OCIAD1: variants seen among roughly 807,000 people sequenced by gnomAD.
OCIAD1 encodes the protein OCIA domain containing 1, also known as OCIA domain-containing protein 1.
A neutral mutation model predicts 38.9 loss-of-function variants in OCIAD1; 29 were observed. The ratio of observed to expected loss-of-function variants is 0.74; its 90% CI spans 0.55 to 1.02. The LOEUF (loss-of-function observed/expected upper bound fraction) is 1.02, where lower values mean the gene tolerates loss of function less well. Among genes scored for constraint, OCIAD1 ranks in the 50% least tolerant of loss-of-function variants. OCIAD1 has a pLI of 0.00. For synonymous variants in OCIAD1, 110 were observed against 92.0 expected, an observed-to-expected ratio of 1.20 and a Z score of -1.12; for missense variants, 288 against 289.6, an observed-to-expected ratio of 0.99 and a Z score of 0.04.
chr4:48,844,769 C>T (rs1232478037), intron 4 of OCIAD1, among the ~76,000 whole-genome samples: 2 of 151,926 alleles, frequency 1.3e-5, no homozygotes, highest in Admixed American at 1.3e-4. Context: ...TACCAAAATC[C>T]ACAAAAGCTT....
intron 1 of OCIAD1, among the ~76,000 whole-genome samples, chr4:48,806,236 C>T (rs1233029723): frequency 1.3e-5 from 2 of 152,180 alleles, no homozygotes; most frequent in Non-Finnish European, 2.9e-5. Flanking sequence ...CCCTGTGCTC[C>T]AGCCTGGGTG....
At chr4:48,831,510 A>C (rs1579045327) in intron 1 of OCIAD1, 1 of 1,290,500 alleles carries the variant, frequency 7.7e-7, no homozygotes, top group Non-Finnish European at 1.0e-6. Context: ...GGAGACGGAC[A>C]CTGGGTGGAG....
At chr4:48,812,717 G>A (rs1043449139) in intron 1 of OCIAD1, among the ~76,000 whole-genome samples, 10 of 152,178 alleles carry the variant, frequency 6.6e-5, no homozygotes, top group Non-Finnish European at 1.5e-4. Flanking sequence ...TGGGAAGAGA[G>A]GAATTGGACA....
chr4:48,819,934 T>C (rs2109494071), intron 1 of OCIAD1, among the ~76,000 whole-genome samples: 1 of 152,160 alleles, frequency 6.6e-6, no homozygotes, highest in South Asian at 2.1e-4. Context: ...AGACTTGGAC[T>C]CCCACGCAAT....
intron 3 of OCIAD1, among the ~76,000 whole-genome samples, chr4:48,835,750 G>T (rs1031604230): frequency 1.3e-5 from 2 of 152,138 alleles, no homozygotes; most frequent in Non-Finnish European, 2.9e-5. Context: ...ACATTGGGTG[G>T]TTGAGGCAGG....
chr4:48,820,882 A>C (rs1390243240), intron 1 of OCIAD1, among the ~76,000 whole-genome samples: 1 of 152,160 alleles, frequency 6.6e-6, no homozygotes, highest in Non-Finnish European at 1.5e-5. Context: ...GACCAATAAC[A>C]AGTTCTGAAA....
chr4:48,811,012 T>C lies in OCIAD1; in HGVS notation c.-103+5682T>C, dbSNP rs1050464427. 2.7e-5 allele frequency among the ~76,000 whole-genome samples: 4 copies of C among 150,690 alleles called. No homozygotes were observed. The Admixed American group carries it at 2.7e-4, about 10-fold the overall frequency. On this transcript the variant is annotated intron_variant, in intron 1 of 6. Coordinates refer to the OCIAD1 transcript ENST00000504654. The stretch of plus-strand genomic sequence containing the variant: ...TTGGGACCACAGGCACACACTACCA[T>C]GTCTGGCTAATTTTTTGTGTTTTTA...
At chr4:48,830,418 T>C (rs190815621), upstream of OCIAD1, among the ~76,000 whole-genome samples, 59 of 152,304 alleles carry the variant, frequency 3.9e-4, no homozygotes, top group African/African-American at 1.3e-3. Context: ...ATGGCACTAA[T>C]AAATACTTCA....
chr4:48,852,928 C>G (rs1254991766), intron 7 of OCIAD1, among the ~76,000 whole-genome samples: 1 of 128,966 alleles, frequency 7.8e-6, no homozygotes, highest in African/African-American at 3.1e-5. Context: ...GTCGCCCAGT[C>G]TGGACTGTAG....
At chr4:48,844,138 G>A (rs1369121548) in intron 4 of OCIAD1, among the ~76,000 whole-genome samples, 1 of 152,114 alleles carries the variant, frequency 6.6e-6, no homozygotes, top group African/African-American at 2.4e-5. Flanking sequence ...ATACCAGGAA[G>A]GAGGGACCTG....
intron 1 of OCIAD1, among the ~76,000 whole-genome samples, chr4:48,812,559 G>T (rs1447475239): frequency 6.6e-6 from 1 of 152,088 alleles, no homozygotes; most frequent in African/African-American, 2.4e-5. Flanking sequence ...GAGAATAAAG[G>T]AGTGATTGAC....
At chr4:48,840,537 A>G (rs577907880) in intron 3 of OCIAD1, among the ~76,000 whole-genome samples, 4 of 152,382 alleles carry the variant, frequency 2.6e-5, no homozygotes, top group South Asian at 2.1e-4. Flanking sequence ...TTAATGCCCT[A>G]TTCCAAAGTG....
At chr4:48,817,962 GT>G in intron 1 of OCIAD1, among the ~76,000 whole-genome samples, 1 of 152,352 alleles carries the variant, frequency 6.6e-6, no homozygotes, top group Admixed American at 6.5e-5. Flanking sequence ...GGGGGAAGGG[GT>G]GGTTGTGGGC....
intron 1 of OCIAD1, among the ~76,000 whole-genome samples, chr4:48,809,217 T>G (rs1777061165): frequency 6.6e-6 from 1 of 152,168 alleles, no homozygotes; most frequent in African/African-American, 2.4e-5. Flanking sequence ...GCTTCCCTAT[T>G]GCCTTCAAGA....
intron 3 of OCIAD1, among the ~76,000 whole-genome samples, chr4:48,833,962 ATGT>A (rs1365687340): frequency 5.9e-5 from 9 of 152,112 alleles, no homozygotes; most frequent in African/African-American, 1.9e-4. Flanking sequence ...TCATTGTGAA[ATGT>A]TGTTATACTA....
At chr4:48,838,367 C>A (rs1209230641) in intron 3 of OCIAD1, among the ~76,000 whole-genome samples, 1 of 151,058 alleles carries the variant, frequency 6.6e-6, no homozygotes, top group East Asian at 1.9e-4. Context: ...GGCTGAAAGA[C>A]AGCTTGTTAA....
intron 1 of OCIAD1, among the ~76,000 whole-genome samples, chr4:48,822,426 C>T (rs1322592430): frequency 2.0e-5 from 3 of 152,000 alleles, no homozygotes; most frequent in Non-Finnish European, 4.4e-5. Flanking sequence ...ATGTAAAACC[C>T]CAAATCATAA....
intron 8 of OCIAD1, among the ~76,000 whole-genome samples, chr4:48,858,983 G>A (rs748478372): frequency 5.3e-5 from 8 of 152,134 alleles, no homozygotes; most frequent in Non-Finnish European, 1.2e-4. Context: ...GAATTTCAGA[G>A]TATGTGTCAT....
At chr4:48,855,257 G>T (rs1298965285) in intron 7 of OCIAD1, among the ~76,000 whole-genome samples, 3 of 152,148 alleles carry the variant, frequency 2.0e-5, no homozygotes, top group East Asian at 1.9e-4. Flanking sequence ...AGAACCCAAG[G>T]TTCCTGAAGT....
Sources: gnomAD v4.1 joint callset for allele counts (sites outside exome capture counted in the v4.1 genomes callset) on GRCh38, gnomAD v4.1.1 for gene constraint, MANE v1.5 for transcripts, NCBI Gene and HGNC (gene_info 2026-07-23, HGNC 2026-07-21) for gene names.